The following NGFR variants were observed in gnomAD, a reference collection of about 807,000 sequenced individuals.
NGFR encodes tumor necrosis factor receptor superfamily member 16.
In NGFR, 30 loss-of-function variants were observed where a neutral mutation model predicts 43.2. The ratio of observed to expected loss-of-function variants is 0.69; its 90% CI spans 0.52 to 0.94. NGFR has a LOEUF of 0.94. Ranked by LOEUF, NGFR falls within the 40% of genes least tolerant of loss-of-function variation. The pLI, the probability that NGFR is intolerant of heterozygous loss-of-function variation, is 0.00. For synonymous variants in NGFR, 246 were observed against 259.6 expected, an observed-to-expected ratio of 0.95 and a Z score of 0.50; for missense variants, 529 against 602.5, an observed-to-expected ratio of 0.88 and a Z score of 1.28.
At chr17:49,501,270 G>T (rs1210836594) in intron 1 of NGFR, among the ~76,000 whole-genome samples, 1 of 152,194 alleles carries the variant, frequency 6.6e-6, no homozygotes, top group African/African-American at 2.4e-5. Context: ...TCAAACCGTG[G>T]CAGGGCAGGG....
At chr17:49,500,633 C>A (rs2071162385) in intron 1 of NGFR, among the ~76,000 whole-genome samples, 1 of 152,214 alleles carries the variant, frequency 6.6e-6, no homozygotes, top group African/African-American at 2.4e-5. Context: ...CTTCTGGAAT[C>A]TTGCCTCTTG....
At chr17:49,501,999 A>ACGGGGGC in intron 1 of NGFR, 64 bp from the exon 2 acceptor site, 1 of 330,984 alleles carries the variant, frequency 3.0e-6, no homozygotes, top group Non-Finnish European at 5.9e-6. Context: ...TCCCCGGAAG[A>ACGGGGGC]ACCCCCCCCA....
intron 4 of NGFR, 79 bp from the exon 5 acceptor site, chr17:49,511,813 C>A (rs541478090): frequency 3.2e-5 from 46 of 1,429,906 alleles, no homozygotes; most frequent in Non-Finnish European, 4.2e-5. Flanking sequence ...GGCCCTCACA[C>A]GGCAGAGCAC....
chr17:49,505,972 A>C, intron 2 of NGFR: 4 of 326,302 alleles, frequency 1.2e-5, no homozygotes, highest in Non-Finnish European at 2.2e-5. Context: ...CATGCTGGGA[A>C]CATAGTACAG....
chr17:49,511,790 C>G, intron 4 of NGFR, 102 bp from the exon 5 acceptor site: 2 of 1,361,600 alleles, frequency 1.5e-6, no homozygotes, highest in South Asian at 3.3e-5. Flanking sequence ...AATTGGGCAC[C>G]CGCCATGCCC....
At chr17:49,511,205 G>T in intron 4 of NGFR, 1 of 152,154 alleles carries the variant, frequency 6.6e-6, no homozygotes, top group South Asian at 2.1e-4. Context: ...AAAAGTAAAA[G>T]CCCCCTTTTA....
chr17:49,509,260 C>G lies in NGFR; in HGVS notation c.569-1152C>G, dbSNP rs2071217320. 2.0e-5 allele frequency among the ~76,000 whole-genome samples: 3 copies of G among 152,168 alleles called. 1 individual carries two copies. The South Asian group carries it at 6.2e-4, about 31-fold the overall frequency. Reference sequence around the variant, plus strand: ...GAAGAGGCCAGAAGATGGGTGGCAGCTTCTACTCCTGCTTGGGTGGGCAAA... The same window carrying G: ...GAAGAGGCCAGAAGATGGGTGGCAGGTTCTACTCCTGCTTGGGTGGGCAAA... On this transcript the variant is annotated intron_variant, in intron 3 of 5. Transcript: ENST00000172229.
intron 3 of NGFR, 43 bp downstream of exon 3, chr17:49,506,701 T>TGGGGGGGGGGGGGGGGGGGG: frequency 6.7e-6 from 1 of 148,986 alleles, no homozygotes; most frequent in African/African-American, 5.9e-5. Flanking sequence ...GGTGCGGGGG[T>TGGGGGGGGGGGGGGGGGGGG]GGGCTGGGGG....
intron 3 of NGFR, among the ~76,000 whole-genome samples, chr17:49,508,807 C>A (rs2071214478): frequency 1.3e-5 from 2 of 152,178 alleles, no homozygotes; most frequent in African/African-American, 4.8e-5. Flanking sequence ...AGAGTCAGTG[C>A]CGCCTCTGGT....
chr17:49,506,520 A>T lies in NGFR; in HGVS notation c.430A>T (p.Thr144Ser). 1 of 1,611,744 alleles carries T rather than the reference A, an allele frequency of 6.2e-7. No individual in the cohort carries two copies. Among genetic ancestry groups the T allele is most frequent in the Non-Finnish European group, 8.5e-7 (1 of 1,179,574 alleles). Residue 144 changes from threonine to serine, a missense_variant, in exon 3 of 6, where the codon ACC becomes TCC. By Grantham distance (58) the Thr-to-Ser change is moderately conservative. Transcript: ENST00000172229. Reference protein sequence around the residue: ...LVFSCQDKQNTVCEECPDGTY... With the variant: ...LVFSCQDKQNSVCEECPDGTY... ...GTTCTCCTGCCAGGACAAGCAGAAC[A>T]CCGTGTGCGAGGAGTGCCCCGACGG...
intron 1 of NGFR, 64 bp from the exon 2 acceptor site, chr17:49,501,999 A>ATGGCCCCCCCCCC: frequency 3.0e-6 from 1 of 330,984 alleles, no homozygotes; most frequent in Non-Finnish European, 5.9e-6. Flanking sequence ...TCCCCGGAAG[A>ATGGCCCCCCCCCC]ACCCCCCCCA....
intron 1 of NGFR, among the ~76,000 whole-genome samples, chr17:49,499,957 G>A (rs1450732348): frequency 3.9e-5 from 6 of 152,098 alleles, no homozygotes; most frequent in South Asian, 2.1e-4. Context: ...ATAGATTAGC[G>A]TGGTGGGGGA....
chr17:49,495,568 A>C lies in NGFR; in HGVS notation c.66+85A>C. ...CGGGCGCCGCCACCAAGGAAACAGA[A>C]CAGAGCATTGGGGTCCCAGATACTG... On this transcript the variant is annotated intron_variant, in intron 1 of 5. Transcript: ENST00000172229. This position sits in a 1 kb window ranked among gnomAD's most constrained non-coding sequence, Gnocchi z 6.4. The C allele has an allele frequency of 9.1e-7, 1 of 1,094,076 alleles. No homozygotes were observed. The highest frequency in any genetic ancestry group is 1.2e-6 in the Non-Finnish European group (1 of 859,876). 67.8% of individuals were successfully genotyped at this position (1,094,076 alleles called of 1,614,324 possible). A position where few individuals can be genotyped will look rare whatever the true frequency, so the allele number is the denominator to read the frequency against.
At position 49,513,134 on chromosome 17, in the gene NGFR, A is replaced by G; in HGVS notation, c.*125A>G. On this transcript the variant is annotated 3_prime_UTR_variant, in exon 6 of 6. Coordinates refer to ENST00000172229, the MANE Select transcript of NGFR (RefSeq NM_002507.4). Reference sequence around the variant, plus strand: ...CTGGCAGAACTGAGCTCCTCTGGGCAGGACCTCAGAGTCCAGGCCCCAAAA... The same window carrying G: ...CTGGCAGAACTGAGCTCCTCTGGGCGGGACCTCAGAGTCCAGGCCCCAAAA... 1.9e-6 allele frequency: 2 copies of G among 1,047,448 alleles called. No individual in the cohort carries two copies. Among genetic ancestry groups the G allele is most frequent in the Non-Finnish European group, 2.7e-6 (2 of 747,628 alleles). 64.9% of individuals were successfully genotyped at this position (1,047,448 alleles called of 1,614,324 possible). A position where few individuals can be genotyped will look rare whatever the true frequency, so the allele number is the denominator to read the frequency against.
At position 49,495,922 on chromosome 17, in the gene NGFR, T is replaced by G; in HGVS notation, c.66+439T>G. 1 of 153,108 alleles carries G rather than the reference T, an allele frequency of 6.5e-6. No homozygotes were observed. Among genetic ancestry groups the G allele is most frequent in the Non-Finnish European group, 1.4e-5 (1 of 72,076 alleles). The allele number at this position is 153,108 out of a possible 1,614,324, so 9.5% of individuals were successfully genotyped here. ...GGGGGAACTGGACGGGGACTAGAGA[T>G]GAGAGGGGCGAGCTGGGCTGGGGCG... On this transcript the variant is annotated intron_variant, in intron 1 of 5. Coordinates refer to ENST00000172229, the MANE Select transcript of NGFR (RefSeq NM_002507.4). This position sits in a 1 kb window ranked among gnomAD's most constrained non-coding sequence, Gnocchi z 6.4.
intron 1 of NGFR, 45 bp from the exon 2 acceptor site, chr17:49,502,018 C>CCCCCCCCAAAAAAA: frequency 7.6e-7 from 1 of 1,320,362 alleles, no homozygotes; most frequent in Non-Finnish European, 1.0e-6. Context: ...CAACCCACCC[C>CCCCCCCCAAAAAAA]AGCTTTCTCT....
intron 2 of NGFR, among the ~76,000 whole-genome samples, chr17:49,505,297 G>C (rs996284841): frequency 6.6e-6 from 1 of 152,168 alleles, no homozygotes; most frequent in Non-Finnish European, 1.5e-5. Flanking sequence ...CTGGTTCTCA[G>C]GTTCCTAAAT....
intron 2 of NGFR, chr17:49,505,560 A>G: frequency 6.6e-6 from 1 of 152,286 alleles, no homozygotes; most frequent in East Asian, 1.9e-4. Context: ...AGGGCAGACG[A>G]CGCATGTGCA....
At chr17:49,510,913 C>T in intron 4 of NGFR, 3 of 523,806 alleles carry the variant, frequency 5.7e-6, no homozygotes, top group Non-Finnish European at 1.0e-5. Context: ...TCCCATGCCG[C>T]ACCACTCCCT....
Sources: allele counts gnomAD v4.1 joint callset (sites outside exome capture counted in the v4.1 genomes callset), GRCh38; gene constraint gnomAD v4.1.1; non-coding constraint Gnocchi (gnomAD v3.1); transcripts MANE v1.5; gene names NCBI Gene and HGNC (gene_info 2026-07-23, HGNC 2026-07-21).